Variants in ADAMTS3 observed in about 807,000 individuals in gnomAD.
ADAMTS3 encodes ADAM metallopeptidase with thrombospondin type 1 motif 3, also known as A disintegrin and metalloproteinase with thrombospondin motifs 3.
Under a neutral mutation model 129.0 loss-of-function variants are expected in ADAMTS3, and 73 were observed. The observed-to-expected ratio is 0.57, with a 90% CI of 0.47 to 0.69. ADAMTS3 has a LOEUF of 0.69. ADAMTS3 is among the 30% of genes least tolerant of loss of function. The pLI is 0.00. For synonymous variants in ADAMTS3, 477 were observed against 510.8 expected (o/e 0.93, Z 0.89); for missense variants, 1,457 against 1,514.5 (o/e 0.96, Z 0.63).
At position 72,298,260 on chromosome 4, in the gene ADAMTS3, A is replaced by G; in HGVS notation, c.2590+17T>C. On this transcript the variant is annotated intron_variant, in intron 18 of 21. Transcript: ENST00000286657. ...TATGCATTACATTTTAATATAATAA[A>G]TGTGTTCAATGGTTACCTCCACCAC... 6.2e-7 allele frequency: 1 copy of G among 1,605,702 alleles called. No individual in the cohort carries two copies. Among genetic ancestry groups the G allele is most frequent in the African/African-American group, 1.3e-5 (1 of 74,740 alleles).
chr4:72,354,232 A>C (rs1720517465), intron 4 of ADAMTS3, among the ~76,000 whole-genome samples: 1 of 151,950 alleles, frequency 6.6e-6, no homozygotes, highest in Non-Finnish European at 1.5e-5. Flanking sequence ...CCAATTTAAT[A>C]AGAAGTGTCA....
At position 72,548,749 on chromosome 4, in the gene ADAMTS3, T is replaced by C; in HGVS notation, c.233A>G (p.Glu78Gly). 6.2e-7 allele frequency: 1 copy of C among 1,613,962 alleles called. No homozygotes were observed. Among genetic ancestry groups the C allele is most frequent in the Non-Finnish European group, 8.5e-7 (1 of 1,179,902 alleles). ...RSARDVSSNP[E>G]QLFFNITAFG... The stretch of plus-strand genomic sequence containing the variant: ...TGCCGTGATGTTAAAGAACAACTGC[T>C]CAGGGTTGGAAGACACGTCCCTCGC... The change falls in exon 3 of 22, where the codon GAG becomes GGG. Residue 78 changes from glutamate to glycine, a missense_variant. By Grantham distance (98) the Glu-to-Gly change is moderately conservative. Coordinates refer to ENST00000286657, the MANE Select transcript of ADAMTS3 (RefSeq NM_014243.3).
rs545249128 is a variant in ADAMTS3 at position 72,300,968 on chromosome 4, C to A, written c.2425-2526G>T. Among the ~76,000 whole-genome samples the A allele has an allele frequency of 1.2e-4, 18 of 152,242 alleles. No individual in the cohort carries two copies. The South Asian group carries it at 3.3e-3, about 28-fold the overall frequency. On this transcript the variant is annotated intron_variant, in intron 17 of 21. Coordinates refer to ENST00000286657, the MANE Select transcript of ADAMTS3 (RefSeq NM_014243.3). ...CAGCAAACTCATCAGATACTCTATG[C>A]CAGAACTAGCCAGTTAAGTGGTGTC... is the stretch of plus-strand genomic sequence containing the variant.
At chr4:72,547,895 A>T (rs1203544394) in intron 3 of ADAMTS3, among the ~76,000 whole-genome samples, 1 of 152,094 alleles carries the variant, frequency 6.6e-6, no homozygotes, top group Non-Finnish European at 1.5e-5. Flanking sequence ...TCAACCACAA[A>T]ACTGAAAAGC....
At chr4:72,480,834 C>T (rs948695675) in intron 3 of ADAMTS3, among the ~76,000 whole-genome samples, 1 of 149,178 alleles carries the variant, frequency 6.7e-6, no homozygotes, top group Non-Finnish European at 1.5e-5. Flanking sequence ...CATTAAAAAG[C>T]TCATAGAAAC....
chr4:72,530,524 A>G (rs1454628955), intron 3 of ADAMTS3, among the ~76,000 whole-genome samples: 1 of 89,214 alleles, frequency 1.1e-5, no homozygotes, highest in Non-Finnish European at 1.9e-5. Context: ...ATATAAATAT[A>G]TTAATTTAAT....
chr4:72,482,363 T>G (rs951279696), intron 3 of ADAMTS3, among the ~76,000 whole-genome samples: 1 of 151,822 alleles, frequency 6.6e-6, no homozygotes, highest in Non-Finnish European at 1.5e-5. Context: ...TACAACAACC[T>G]GAGTGAATCT....
chr4:72,499,214 A>G (rs187269485), intron 3 of ADAMTS3, among the ~76,000 whole-genome samples: 67 of 152,300 alleles, frequency 4.4e-4, no homozygotes, highest in African/African-American at 1.5e-3. Flanking sequence ...GTGAAATGCA[A>G]TAAGAAATTT....
At position 72,335,430 on chromosome 4, in the gene ADAMTS3, A is replaced by G. The variant is rs191766546; in HGVS notation, c.861+4064T>C. ...CAACTTGCATGGCTAATTTAAAACA[A>G]CAGATAAACCAAAGGGATTTAATAT... On this transcript the variant is annotated intron_variant, in intron 5 of 21. Transcript: ENST00000286657. Among the ~76,000 whole-genome samples, 3 of 152,300 alleles carry G rather than the reference A, an allele frequency of 2.0e-5. No individual in the cohort carries two copies. The East Asian group carries it at 5.8e-4, about 29-fold the overall frequency.
chr4:72,519,381 G>A (rs1293574819), intron 3 of ADAMTS3, among the ~76,000 whole-genome samples: 1 of 152,068 alleles, frequency 6.6e-6, no homozygotes, highest in Non-Finnish European at 1.5e-5. Context: ...CTGAATGTTG[G>A]CCTGCCTTGC....
chr4:72,568,328 G>C (rs986715571), intron 1 of ADAMTS3, among the ~76,000 whole-genome samples: 1 of 152,162 alleles, frequency 6.6e-6, no homozygotes, highest in African/African-American at 2.4e-5. Context: ...CGGACCCAGC[G>C]TCCAGAACTT....
chr4:72,451,229 T>A (rs1718396188), intron 3 of ADAMTS3, among the ~76,000 whole-genome samples: 1 of 151,668 alleles, frequency 6.6e-6, no homozygotes, highest in Non-Finnish European at 1.5e-5. Flanking sequence ...CCTGGCTGAA[T>A]CTTAGATTCC....
chr4:72,488,027 G>A (rs972896900), intron 3 of ADAMTS3, among the ~76,000 whole-genome samples: 2 of 151,994 alleles, frequency 1.3e-5, no homozygotes, highest in Admixed American at 6.6e-5. Context: ...CTTTGGTTAT[G>A]AGTCCATAAA....
chr4:72,457,613 C>G (rs1718659096), intron 3 of ADAMTS3, among the ~76,000 whole-genome samples: 1 of 151,522 alleles, frequency 6.6e-6, no homozygotes, highest in Non-Finnish European at 1.5e-5. Context: ...TTGTTAAAAA[C>G]TTTGCCTGCT....
At chr4:72,406,766 CCAGGTGATTGTT>C (rs1722063145) in intron 4 of ADAMTS3, among the ~76,000 whole-genome samples, 1 of 152,040 alleles carries the variant, frequency 6.6e-6, no homozygotes, top group South Asian at 2.1e-4. Flanking sequence ...CAATAAGAAT[CCAGGTGATTGTT>C]ATAATAATTT....
chr4:72,393,064 T>C (rs1023846127), intron 4 of ADAMTS3, among the ~76,000 whole-genome samples: 1 of 152,070 alleles, frequency 6.6e-6, no homozygotes, highest in Non-Finnish European at 1.5e-5. Flanking sequence ...TAGCTGGGAT[T>C]ACAGGCACCT....
At chr4:72,488,165 T>C (rs963669889) in intron 3 of ADAMTS3, among the ~76,000 whole-genome samples, 2 of 151,974 alleles carry the variant, frequency 1.3e-5, no homozygotes, top group Non-Finnish European at 2.9e-5. Flanking sequence ...AAGGCCTTTA[T>C]CCCCTATGCT....
intron 4 of ADAMTS3, among the ~76,000 whole-genome samples, chr4:72,395,037 G>A (rs1713037665): frequency 6.6e-6 from 1 of 151,634 alleles, no homozygotes; most frequent in Non-Finnish European, 1.5e-5. Context: ...CTATTCTCCT[G>A]CCTCAGCCTC....
At chr4:72,307,719 T>C (rs1025353767) in intron 15 of ADAMTS3, among the ~76,000 whole-genome samples, 16 of 152,064 alleles carry the variant, frequency 1.1e-4, no homozygotes, top group Non-Finnish European at 1.5e-5. Context: ...AAGTAGATGA[T>C]TTGAAGTTGA....
Sources: allele counts gnomAD v4.1 joint callset (sites outside exome capture counted in the v4.1 genomes callset), GRCh38; gene constraint gnomAD v4.1.1; transcripts MANE v1.5; gene names NCBI Gene and HGNC (gene_info 2026-07-23, HGNC 2026-07-21).